Variants in DPP10 observed in about 807,000 individuals in gnomAD.
The protein encoded by DPP10 is inactive dipeptidyl peptidase 10.
A neutral mutation model predicts 120.9 loss-of-function variants in DPP10; 33 were observed. The observed-to-expected ratio is 0.27, with a 90% CI of 0.21 to 0.37. DPP10 has a LOEUF of 0.37. Ranked by LOEUF, DPP10 falls within the 10% of genes least tolerant of loss-of-function variation. DPP10 has a pLI of 1.00. For synonymous variants in DPP10, 337 were observed against 326.1 expected, an observed-to-expected ratio of 1.03 and a Z score of -0.36; for missense variants, 816 against 942.8, an observed-to-expected ratio of 0.87 and a Z score of 1.76.
chr2:115,278,342 TCTTC>T (rs2060001536), intron 1 of DPP10, among the ~76,000 whole-genome samples: 1 of 152,334 alleles, frequency 6.6e-6, no homozygotes, highest in East Asian at 1.9e-4. Context: ...GAGGTTGAGC[TCTTC>T]CTTCATTTCT....
chr2:115,834,273 A>G (rs1689221046), intron 21 of DPP10, among the ~76,000 whole-genome samples: 1 of 152,192 alleles, frequency 6.6e-6, no homozygotes, highest in Non-Finnish European at 1.5e-5. Flanking sequence ...TTACTTCAAG[A>G]GTTTAGTGAC....
At chr2:114,746,721 G>T (rs1407632955) in intron 1 of DPP10, among the ~76,000 whole-genome samples, 1 of 152,188 alleles carries the variant, frequency 6.6e-6, no homozygotes, top group Non-Finnish European at 1.5e-5. Flanking sequence ...CCAGGAAACA[G>T]ATTGTTGTTT....
At chr2:115,735,590 G>A (rs1947108) in intron 8 of DPP10, among the ~76,000 whole-genome samples, 59,668 of 150,452 alleles carry the variant, frequency 0.4, 13,959 homozygotes, top group East Asian at 0.65. Flanking sequence ...GCACGATCCC[G>A]GCTCACTGCA....
intron 5 of DPP10, among the ~76,000 whole-genome samples, chr2:115,570,010 A>ATTT (rs2081247974): frequency 6.6e-6 from 1 of 152,218 alleles, no homozygotes; most frequent in Admixed American, 6.5e-5. Flanking sequence ...CTGTGATTGA[A>ATTT]ATTACCTTAC....
chr2:115,505,794 T>G (rs1456132737), intron 4 of DPP10, among the ~76,000 whole-genome samples: 2 of 152,256 alleles, frequency 1.3e-5, no homozygotes, highest in East Asian at 3.9e-4. Flanking sequence ...GAGTTAAGAA[T>G]AATGTATTGT....
At chr2:115,680,198 A>C (rs1035938726) in intron 5 of DPP10, among the ~76,000 whole-genome samples, 20 of 152,112 alleles carry the variant, frequency 1.3e-4, no homozygotes, top group Non-Finnish European at 2.7e-4. Flanking sequence ...AAAAGTTTTA[A>C]AACATTTTTA....
intron 1 of DPP10, among the ~76,000 whole-genome samples, chr2:114,507,022 T>C (rs528444281): frequency 6.6e-6 from 1 of 151,954 alleles, no homozygotes; most frequent in South Asian, 2.1e-4. Context: ...GTCTGAATTA[T>C]TCAGTTTTCT....
intron 1 of DPP10, among the ~76,000 whole-genome samples, chr2:115,006,366 A>T (rs149717657): frequency 6.6e-6 from 1 of 151,380 alleles, no homozygotes; most frequent in South Asian, 2.1e-4. Flanking sequence ...CACACATAAC[A>T]CTATTAACTT....
intron 9 of DPP10, among the ~76,000 whole-genome samples, chr2:115,740,501 A>G (rs1200475255): frequency 1.3e-5 from 2 of 152,168 alleles, no homozygotes; most frequent in Non-Finnish European, 2.9e-5. Context: ...TATTAGTATT[A>G]GTATCAATAT....
chr2:114,503,994 T>A (rs544691034), intron 1 of DPP10, among the ~76,000 whole-genome samples: 1 of 152,316 alleles, frequency 6.6e-6, no homozygotes, highest in South Asian at 2.1e-4. Flanking sequence ...GGAATAGATA[T>A]GTTTTAACCA....
chr2:115,149,363 C>T (rs2051405571), intron 1 of DPP10, among the ~76,000 whole-genome samples: 1 of 152,112 alleles, frequency 6.6e-6, no homozygotes, highest in African/African-American at 2.4e-5. Flanking sequence ...AATTTGGTTA[C>T]CCAGGGGCAT....
intron 1 of DPP10, among the ~76,000 whole-genome samples, chr2:115,112,529 G>A (rs985924856): frequency 1.3e-5 from 2 of 152,030 alleles, no homozygotes; most frequent in Admixed American, 6.5e-5. Context: ...TAACATATGT[G>A]TTACCTCTCA....
At chr2:115,003,916 A>G (rs1701628733) in intron 1 of DPP10, among the ~76,000 whole-genome samples, 1 of 152,240 alleles carries the variant, frequency 6.6e-6, no homozygotes, top group African/African-American at 2.4e-5. Context: ...TTAGTTTACT[A>G]CATAATGCAT....
chr2:115,569,498 AC>A (rs2081216077), intron 5 of DPP10, among the ~76,000 whole-genome samples: 1 of 152,236 alleles, frequency 6.6e-6, no homozygotes, highest in Non-Finnish European at 1.5e-5. Flanking sequence ...TGGTAGAAGG[AC>A]AAGAATTAAT....
chr2:114,828,196 G>A (rs2106383974), intron 1 of DPP10, among the ~76,000 whole-genome samples: 1 of 152,230 alleles, frequency 6.6e-6, no homozygotes, highest in East Asian at 1.9e-4. Context: ...CTGATAATGG[G>A]TAGATGGTCT....
chr2:115,001,639 A>C (rs973237993), intron 1 of DPP10, among the ~76,000 whole-genome samples: 2 of 152,156 alleles, frequency 1.3e-5, no homozygotes, highest in Non-Finnish European at 2.9e-5. Context: ...ATAGCTAGGA[A>C]ACCTCATGGT....
intron 5 of DPP10, among the ~76,000 whole-genome samples, chr2:115,537,651 G>A (rs1241395332): frequency 1.4e-5 from 2 of 143,872 alleles, no homozygotes; most frequent in Non-Finnish European, 3.0e-5. Flanking sequence ...AAAATACTAT[G>A]ATACTAAGTA....
chr2:114,852,151 C>CT (rs34580352), intron 1 of DPP10, among the ~76,000 whole-genome samples: 1,299 of 53,636 alleles, frequency 0.024, 149 homozygotes, highest in Middle Eastern at 0.05. Flanking sequence ...CGATTGCATC[C>CT]TTTTTTTTTT....
At chr2:114,740,830 TGGGG>T (rs1284641851) in intron 1 of DPP10, among the ~76,000 whole-genome samples, 1 of 152,212 alleles carries the variant, frequency 6.6e-6, no homozygotes, top group African/African-American at 2.4e-5. Context: ...CGTTTAAATT[TGGGG>T]TCCATTTTCT....
Sources: gnomAD v4.1 joint callset for allele counts (sites outside exome capture counted in the v4.1 genomes callset) on GRCh38, gnomAD v4.1.1 for gene constraint, MANE v1.5 for transcripts, NCBI Gene and HGNC (gene_info 2026-07-23, HGNC 2026-07-21) for gene names.